The following ERI3 variants were observed in gnomAD, a reference collection of about 807,000 sequenced individuals.
The protein encoded by ERI3 is ERI1 exoribonuclease family member 3.
In ERI3, 18 loss-of-function variants were observed where a neutral mutation model predicts 44.4. That is an observed-to-expected ratio of 0.41 (90% CI 0.28 to 0.60). ERI3 has a LOEUF of 0.60. Among genes scored for constraint, ERI3 ranks in the 20% least tolerant of loss-of-function variants. The pLI is 0.36. For missense variants in ERI3, 294 were observed against 435.5 expected (o/e 0.68, Z 2.89); for synonymous variants, 183 against 164.8 (o/e 1.11, Z -0.84).
intron 4 of ERI3, among the ~76,000 whole-genome samples, chr1:44,317,598 G>A (rs1646117500): frequency 6.6e-6 from 1 of 152,074 alleles, no homozygotes; most frequent in African/African-American, 2.4e-5. Context: ...GATGGATCAG[G>A]TCTAGTTTCT....
chr1:44,353,313 C>A, intron 1 of ERI3: 2 of 985,342 alleles, frequency 2.0e-6, no homozygotes, highest in Non-Finnish European at 2.4e-6. Context: ...TTGGTTGCCA[C>A]AAATCCACAA....
chr1:44,353,071 C>A, intron 1 of ERI3, 146 bp from the exon 2 acceptor site: 1 of 1,470,772 alleles, frequency 6.8e-7, no homozygotes. Flanking sequence ...ACAGAGCTTT[C>A]AGAAACTATT....
intron 7 of ERI3, among the ~76,000 whole-genome samples, chr1:44,282,433 G>A (rs935951115): frequency 6.6e-6 from 1 of 152,186 alleles, no homozygotes; most frequent in Non-Finnish European, 1.5e-5. Context: ...GGGTCACACA[G>A]GGGACACAAG....
At chr1:44,293,546 C>T (rs34471010) in intron 6 of ERI3, among the ~76,000 whole-genome samples, 45,463 of 151,998 alleles carry the variant, frequency 0.3, 7,786 homozygotes, top group East Asian at 0.5. Flanking sequence ...CAGATCCAGG[C>T]GAGGTGGGGT....
At chr1:44,308,573 G>A (rs1645889453) in intron 5 of ERI3, among the ~76,000 whole-genome samples, 172 bp from the exon 6 acceptor site, 1 of 152,178 alleles carries the variant, frequency 6.6e-6, no homozygotes. Context: ...AACCACGGAG[G>A]CATTTGGAAG....
chr1:44,248,122 A>C, intron 7 of ERI3, 84 bp from the exon 8 acceptor site: 1 of 835,080 alleles, frequency 1.2e-6, no homozygotes, highest in African/African-American at 1.8e-5. Context: ...CCACCCCCCA[A>C]ATCTTTCCAA....
chr1:44,306,443 G>C (rs1645834763), intron 6 of ERI3, among the ~76,000 whole-genome samples: 1 of 152,178 alleles, frequency 6.6e-6, no homozygotes. Flanking sequence ...TTAAGACTTG[G>C]CTTCCTTTCA....
chr1:44,253,483 T>C (rs1465562292), intron 7 of ERI3, among the ~76,000 whole-genome samples: 3 of 152,198 alleles, frequency 2.0e-5, no homozygotes, highest in African/African-American at 7.2e-5. Context: ...GGAACCCTTT[T>C]CCAGGTTCAG....
At chr1:44,344,284 T>C (rs912109342) in intron 2 of ERI3, among the ~76,000 whole-genome samples, 2 of 148,226 alleles carry the variant, frequency 1.3e-5, no homozygotes, top group African/African-American at 5.0e-5. Context: ...AATAAAATTG[T>C]TTTTTAAAAT....
chr1:44,313,150 T>A lies in ERI3; in HGVS notation c.666+19A>T, dbSNP rs375960807. The A allele has an allele frequency of 9.3e-6, 15 of 1,613,180 alleles. No individual in the cohort carries two copies. The African/African-American group carries it at 1.6e-4, about 17-fold the overall frequency. ...CAGGAAGGGGTCAGAGGTCAGGAAT[T>A]AAAGGTCACTCAACCTACCTCCAGC... On this transcript the variant is annotated intron_variant, in intron 5 of 8. Coordinates refer to ENST00000372257, the MANE Select transcript of ERI3 (RefSeq NM_024066.3).
chr1:44,339,449 G>A (rs1229112872), intron 2 of ERI3, 127 bp from the exon 3 acceptor site: 19 of 981,330 alleles, frequency 1.9e-5, no homozygotes, highest in Middle Eastern at 3.5e-4. Flanking sequence ...GAATATCCAC[G>A]CAACATGGGC....
chr1:44,223,435 G>A (rs1272182984), intron 8 of ERI3, among the ~76,000 whole-genome samples: 1 of 152,036 alleles, frequency 6.6e-6, no homozygotes, highest in East Asian at 1.9e-4. Flanking sequence ...TGCCAACAGA[G>A]AGACTATGAT....
intron 8 of ERI3, among the ~76,000 whole-genome samples, chr1:44,234,995 G>A (rs1359466688): frequency 6.6e-6 from 1 of 152,092 alleles, no homozygotes; most frequent in Non-Finnish European, 1.5e-5. Context: ...TTAACATGAG[G>A]GAAAGCTGGG....
intron 4 of ERI3, among the ~76,000 whole-genome samples, chr1:44,316,706 A>G (rs1557845888): frequency 1.3e-5 from 2 of 152,224 alleles, no homozygotes; most frequent in African/African-American, 4.8e-5. Context: ...CTCACCCTTT[A>G]TAAGTACAGG....
chr1:44,330,044 C>T (rs1333849961), intron 3 of ERI3, among the ~76,000 whole-genome samples: 5 of 152,226 alleles, frequency 3.3e-5, no homozygotes, highest in Non-Finnish European at 7.3e-5. Context: ...TCAAGTACTG[C>T]ATCCGTACCA....
At chr1:44,244,125 T>C (rs182829579) in intron 8 of ERI3, 1 of 152,702 alleles carries the variant, frequency 6.5e-6, no homozygotes, top group East Asian at 1.9e-4. Flanking sequence ...GAAGGACCAC[T>C]CAGCAGTCCC....
chr1:44,225,050 A>C (rs773982988), intron 8 of ERI3, among the ~76,000 whole-genome samples: 3 of 152,170 alleles, frequency 2.0e-5, no homozygotes, highest in Non-Finnish European at 2.9e-5. Context: ...TCAGAGAGAG[A>C]GAGCAGCAGG....
chr1:44,341,129 A>ATAAGCAATCCTGTC (rs2154331457), intron 2 of ERI3, among the ~76,000 whole-genome samples: 1 of 152,342 alleles, frequency 6.6e-6, no homozygotes, highest in South Asian at 2.1e-4. Context: ...TGTCTACCAA[A>ATAAGCAATCCTGTC]TACTATAAGC....
At chr1:44,299,055 T>C (rs541877691) in intron 6 of ERI3, among the ~76,000 whole-genome samples, 1 of 152,194 alleles carries the variant, frequency 6.6e-6, no homozygotes, top group African/African-American at 2.4e-5. Flanking sequence ...GGGAACTTTC[T>C]GGGATGATGA....
Sources: gnomAD v4.1 joint callset for allele counts (sites outside exome capture counted in the v4.1 genomes callset) on GRCh38, gnomAD v4.1.1 for gene constraint, MANE v1.5 for transcripts, NCBI Gene and HGNC (gene_info 2026-07-23, HGNC 2026-07-21) for gene names.